LRSAM1: variants seen among roughly 807,000 people sequenced by gnomAD.
The protein encoded by LRSAM1 is leucine rich repeat and sterile alpha motif containing 1, also known as E3 ubiquitin-protein ligase LRSAM1.
A neutral mutation model predicts 118.1 loss-of-function variants in LRSAM1; 96 were observed. The observed-to-expected ratio is 0.81, with a 90% CI of 0.69 to 0.96. LRSAM1 has a LOEUF of 0.96. Ranked by LOEUF, LRSAM1 falls within the 40% of genes least tolerant of loss-of-function variation. The pLI, the probability that LRSAM1 is intolerant of heterozygous loss-of-function variation, is 0.00. For synonymous variants in LRSAM1, 322 were observed against 364.2 expected, an observed-to-expected ratio of 0.88 and a Z score of 1.32; for missense variants, 804 against 915.5, an observed-to-expected ratio of 0.88 and a Z score of 1.57.
chr9:127,470,267 G>A (rs1412501901), intron 10 of LRSAM1, among the ~76,000 whole-genome samples: 2 of 152,044 alleles, frequency 1.3e-5, no homozygotes, highest in African/African-American at 4.8e-5. Flanking sequence ...ATGGCCGGGA[G>A]GCCTCAGGAA....
At position 127,457,386 on chromosome 9, in the gene LRSAM1, C is replaced by T; in HGVS notation, c.245C>T (p.Thr82Ile). The change falls in exon 6 of 26, where the codon ACC becomes ATC. Residue 82 changes from threonine to isoleucine, a missense_variant. Thr to Ile is a moderately conservative substitution (Grantham distance 89). Coordinates refer to ENST00000300417, the MANE Select transcript of LRSAM1 (RefSeq NM_001005373.4). ...TCCTGCAGCCTCCTGAGTCTGGCAA[C>T]CATCAAGGTACTGGGCCCTCCTCCC... ...PKSCSLLSLA[T>I]IKVLDLHDNQ... 6.2e-7 allele frequency: 1 copy of T among 1,614,192 alleles called. No individual in the cohort carries two copies. Among genetic ancestry groups the T allele is most frequent in the South Asian group, 1.1e-5 (1 of 91,086 alleles).
chr9:127,475,047 TTTATTA>T lies in LRSAM1; in HGVS notation c.750+1137_750+1142del, dbSNP rs149765084. On this transcript the variant is annotated intron_variant, in intron 11 of 25. Coordinates refer to ENST00000300417, the MANE Select transcript of LRSAM1 (RefSeq NM_001005373.4). ...CTGCTGCTGGGAATGCATTTGGGAT[TTTATTA>T]TTATTATTATTATTATTATTTTATA... Among the ~76,000 whole-genome samples the T allele has an allele frequency of 5.2e-4, 77 of 149,260 alleles. 1 individual carries two copies. The highest frequency in any genetic ancestry group is 2.5e-3 in the South Asian group (12 of 4,720).
chr9:127,497,455 G>A, intron 24 of LRSAM1, 121 bp downstream of exon 24: 1 of 1,005,886 alleles, frequency 9.9e-7, no homozygotes, highest in Non-Finnish European at 1.5e-6. Flanking sequence ...AGCCTCTGCT[G>A]GTCGGTAAGG....
chr9:127,495,104 G>T (rs979297601), intron 21 of LRSAM1, among the ~76,000 whole-genome samples: 4 of 151,998 alleles, frequency 2.6e-5, no homozygotes, highest in Non-Finnish European at 5.9e-5. Context: ...GGCATGTGCC[G>T]CCATGCCTGG....
At chr9:127,453,924 C>T (rs1834414351) in intron 2 of LRSAM1, 1 of 174,362 alleles carries the variant, frequency 5.7e-6, no homozygotes. Context: ...GCCCCTGCCC[C>T]CATGGAACTC....
At chr9:127,452,414 C>T (rs1834356608) in intron 2 of LRSAM1, 1 of 152,278 alleles carries the variant, frequency 6.6e-6, no homozygotes, top group Admixed American at 6.5e-5. Context: ...GCCTGGCTGC[C>T]TCCCCAGACA....
intron 12 of LRSAM1, 97 bp from the exon 13 acceptor site, chr9:127,479,286 C>T: frequency 2.5e-6 from 4 of 1,570,800 alleles, no homozygotes; most frequent in Non-Finnish European, 3.5e-6. Flanking sequence ...AGACCTGGAG[C>T]CTGCCCTGTC....
rs773079631 is a variant in LRSAM1, at chr9:127,496,126, G to A, written c.1830+31G>A. The A allele has an allele frequency of 1.9e-6, 3 of 1,603,150 alleles. No homozygotes were observed. The South Asian group carries it at 3.3e-5, about 18-fold the overall frequency. On this transcript the variant is annotated intron_variant, in intron 23 of 25. Coordinates refer to ENST00000300417, the MANE Select transcript of LRSAM1 (RefSeq NM_001005373.4). Reference sequence around the variant, plus strand: ...CAGCAGCCGTCTGCATGGAGGGGAGGGGCACGCAAGGCCGCTGTCCTGACC... The same window carrying A: ...CAGCAGCCGTCTGCATGGAGGGGAGAGGCACGCAAGGCCGCTGTCCTGACC...
Position 127,492,782 on chromosome 9 carries a change from G to A in LRSAM1, c.1504-20G>A. 3 of 1,611,402 alleles carry A rather than the reference G, an allele frequency of 1.9e-6. No homozygotes were observed. Among genetic ancestry groups the A allele is most frequent in the South Asian group, 2.2e-5 (2 of 90,928 alleles). On this transcript the variant is annotated intron_variant, in intron 20 of 25. Transcript: ENST00000300417. ...GCTGCCGCCAGCTCACGGTGGTGCG[G>A]GGTGTGGTCTTGTTCGCAGGAGATG...
chr9:127,492,816 G>C lies in LRSAM1; in HGVS notation c.1518G>C (p.Glu506Asp), dbSNP rs199703262. Residue 506 changes from glutamate (E) to aspartate (D), a missense_variant, in exon 21 of 26, where the codon GAG (glutamate) becomes GAC (aspartate). By Grantham distance (45) the Glu-to-Asp change is conservative (BLOSUM62 2). Coordinates refer to ENST00000300417, the MANE Select transcript of LRSAM1 (RefSeq NM_001005373.4). ...CTTGTTCGCAGGAGATGATCTCGGA[G>C]CAGCGCTGGGCCCTCAGCTCCCTGC... ...DTESLQEMIS[E>D]QRWALSSLLQ... 1 of 1,613,848 alleles carries C rather than the reference G, an allele frequency of 6.2e-7. No homozygotes were observed. Among genetic ancestry groups the C allele is most frequent in the East Asian group, 2.2e-5 (1 of 44,884 alleles).
chr9:127,485,893 A>G, intron 17 of LRSAM1, 58 bp downstream of exon 17: 2 of 1,552,990 alleles, frequency 1.3e-6, no homozygotes, highest in South Asian at 2.2e-5. Context: ...CTCAGGGCCC[A>G]AGACCGTGGG....
At chr9:127,493,005 GA>G in intron 21 of LRSAM1, 108 bp downstream of exon 21, 1 of 899,182 alleles carries the variant, frequency 1.1e-6, no homozygotes. Context: ...ATTCATCAAA[GA>G]AAAACTGGAA....
At chr9:127,495,870 A>G in intron 22 of LRSAM1, 94 bp from the exon 23 acceptor site, 1 of 1,530,824 alleles carries the variant, frequency 6.5e-7, no homozygotes, top group Non-Finnish European at 8.8e-7. Context: ...CATTCTATGT[A>G]TTATGTTATA....
At chr9:127,497,363 G>C (rs1836191549) in intron 24 of LRSAM1, 29 bp downstream of exon 24, 1 of 1,603,972 alleles carries the variant, frequency 6.2e-7, no homozygotes, top group African/African-American at 1.3e-5. Context: ...CCTCTTCCAG[G>C]CAGGGCTCCA....
intron 25 of LRSAM1, among the ~76,000 whole-genome samples, chr9:127,502,021 A>G (rs911019062): frequency 1.3e-5 from 2 of 152,340 alleles, no homozygotes; most frequent in East Asian, 3.9e-4. Context: ...ATGCTGAGGC[A>G]AAGTGTGGTC....
At chr9:127,475,688 G>T (rs540636148) in intron 11 of LRSAM1, among the ~76,000 whole-genome samples, 3 of 152,172 alleles carry the variant, frequency 2.0e-5, no homozygotes, top group South Asian at 4.1e-4. Context: ...GTGAAAATTG[G>T]TATCACAACT....
intron 3 of LRSAM1, 86 bp downstream of exon 3, chr9:127,454,685 C>G: frequency 7.3e-7 from 1 of 1,363,174 alleles, no homozygotes; most frequent in Non-Finnish European, 1.0e-6. Context: ...CCCAACAAGC[C>G]GTGCTCCTTC....
Position 127,495,373 on chromosome 9 carries a change from G to A in LRSAM1, c.1653G>A (p.Gln551=), listed in dbSNP as rs1836089288. 1 of 1,613,940 alleles carries A rather than the reference G, an allele frequency of 6.2e-7. No individual in the cohort carries two copies. The highest frequency in any genetic ancestry group is 1.3e-5 in the African/African-American group (1 of 74,944). ...GGCAGGAAAATTACTGGCTGATTCA[G>A]TATCAACGGCTTTTGAACCAGAAGC... is the stretch of plus-strand genomic sequence containing the variant. ...ETRQENYWLI[Q]YQRLLNQKPL... is the part of the protein sequence containing the mutation. The change falls in exon 22 of 26, where the codon CAG becomes CAA. Residue 551 remains glutamine (Q), a synonymous_variant. Transcript: ENST00000300417.
chr9:127,459,217 GTTTT>G (rs373307015), intron 7 of LRSAM1, 146 bp downstream of exon 7: 64 of 579,582 alleles, frequency 1.1e-4, no homozygotes, highest in Admixed American at 1.8e-4. Context: ...GCCCTTTGGG[GTTTT>G]TTTTTTTTTT....
Sources: gnomAD v4.1 joint callset for allele counts (sites outside exome capture counted in the v4.1 genomes callset) on GRCh38, gnomAD v4.1.1 for gene constraint, MANE v1.5 for transcripts, NCBI Gene and HGNC (gene_info 2026-07-23, HGNC 2026-07-21) for gene names.